Variants in SUPT3H observed in about 807,000 individuals in gnomAD.
The protein encoded by SUPT3H is transcription initiation protein SPT3 homolog.
SUPT3H carries 44 observed loss-of-function variants against 44.3 expected under a neutral mutation model. That is an observed-to-expected ratio of 0.99 (90% CI 0.78 to 1.28). The LOEUF is 1.28. Among genes scored for constraint, SUPT3H ranks in the 50% most tolerant of loss-of-function variants. The pLI is 0.00. For synonymous variants in SUPT3H, 124 were observed against 125.6 expected, an observed-to-expected ratio of 0.99 and a Z score of 0.09; for missense variants, 380 against 387.1, an observed-to-expected ratio of 0.98 and a Z score of 0.15.
chr6:44,933,275 G>A (rs967251877), intron 9 of SUPT3H, among the ~76,000 whole-genome samples: 9 of 149,406 alleles, frequency 6.0e-5, no homozygotes, highest in African/African-American at 1.9e-4. Flanking sequence ...TAATTTTCTA[G>A]GTATCTCAGG....
chr6:45,172,593 A>T (rs77605658), intron 2 of SUPT3H, among the ~76,000 whole-genome samples: 3 of 146,018 alleles, frequency 2.1e-5, no homozygotes, highest in African/African-American at 7.6e-5. Flanking sequence ...AGATAGATAT[A>T]TTTTTTTTTT....
chr6:44,866,451 C>T (rs984547722), intron 10 of SUPT3H, among the ~76,000 whole-genome samples: 1 of 151,370 alleles, frequency 6.6e-6, no homozygotes, highest in African/African-American at 2.4e-5. Context: ...AGATCCATCT[C>T]TTAGGTAATA....
intron 2 of SUPT3H, chr6:45,197,633 G>A: frequency 2.9e-6 from 1 of 348,646 alleles, no homozygotes; most frequent in Non-Finnish European, 5.7e-6. Context: ...TGTGGTATTT[G>A]CAGAAAAAAA....
chr6:44,936,434 C>T (rs533085738), intron 9 of SUPT3H, among the ~76,000 whole-genome samples: 56 of 152,156 alleles, frequency 3.7e-4, no homozygotes, highest in Non-Finnish European at 6.8e-4. Flanking sequence ...TTTAGGATAT[C>T]CATTTCTTGA....
At chr6:45,170,317 T>C (rs1810566052) in intron 2 of SUPT3H, among the ~76,000 whole-genome samples, 1 of 152,222 alleles carries the variant, frequency 6.6e-6, no homozygotes, top group Non-Finnish European at 1.5e-5. Flanking sequence ...TTAAAAACTT[T>C]GAGCAGTACT....
At chr6:45,317,227 CAA>C (rs70996324) in intron 2 of SUPT3H, among the ~76,000 whole-genome samples, 17 of 36,086 alleles carry the variant, frequency 4.7e-4, no homozygotes, top group African/African-American at 6.8e-4. Flanking sequence ...GACTCTGTCT[CAA>C]AAAAAAAAAA....
intron 3 of SUPT3H, among the ~76,000 whole-genome samples, chr6:45,091,039 A>G (rs1281129668): frequency 1.3e-5 from 2 of 151,976 alleles, no homozygotes; most frequent in African/African-American, 2.4e-5. Context: ...ACAATATTTT[A>G]AATATCCTTT....
chr6:44,817,835 G>C (rs779326728), intron 11 of SUPT3H, among the ~76,000 whole-genome samples: 2 of 152,144 alleles, frequency 1.3e-5, no homozygotes, highest in Non-Finnish European at 2.9e-5. Flanking sequence ...AATTTAAAAA[G>C]ACCTTTATAA....
At chr6:45,176,422 C>T (rs1262252248) in intron 2 of SUPT3H, among the ~76,000 whole-genome samples, 26 of 151,960 alleles carry the variant, frequency 1.7e-4, no homozygotes, top group African/African-American at 6.1e-4. Context: ...TCGGAGGGTC[C>T]TACGCCCACG....
chr6:44,821,240 C>T (rs995146255), intron 11 of SUPT3H, among the ~76,000 whole-genome samples: 15 of 152,096 alleles, frequency 9.9e-5, no homozygotes, highest in African/African-American at 4.8e-5. Flanking sequence ...TTCTAAACAC[C>T]GAGTACTCAT....
intron 6 of SUPT3H, among the ~76,000 whole-genome samples, chr6:44,963,544 T>G (rs1244388003): frequency 6.6e-6 from 1 of 152,110 alleles, no homozygotes; most frequent in African/African-American, 2.4e-5. Context: ...GAGTATATTA[T>G]TGGGTTAATT....
chr6:45,208,586 T>C (rs1763570442), intron 2 of SUPT3H, among the ~76,000 whole-genome samples: 2 of 152,048 alleles, frequency 1.3e-5, no homozygotes, highest in African/African-American at 2.4e-5. Flanking sequence ...TAGCCAGGTA[T>C]GGTGGTGTGC....
chr6:44,967,682 G>A (rs1776962335), intron 6 of SUPT3H, among the ~76,000 whole-genome samples: 1 of 152,140 alleles, frequency 6.6e-6, no homozygotes, highest in Admixed American at 6.5e-5. Context: ...ATATCTCTTG[G>A]CAGCTTCTCA....
At chr6:44,904,656 T>C (rs1765681377) in intron 10 of SUPT3H, among the ~76,000 whole-genome samples, 1 of 152,106 alleles carries the variant, frequency 6.6e-6, no homozygotes. Context: ...CTTCACAGAA[T>C]TGGAAAAAAC....
intron 6 of SUPT3H, among the ~76,000 whole-genome samples, chr6:44,963,267 G>A (rs1776309767): frequency 6.6e-6 from 1 of 152,166 alleles, no homozygotes; most frequent in Admixed American, 6.5e-5. Context: ...GGAGGTCCAG[G>A]CAGGTGGATC....
In SUPT3H at chr6:44,829,738, A is replaced by G; in HGVS notation, c.*78T>C. 2.6e-6 allele frequency: 4 copies of G among 1,520,224 alleles called. No homozygotes were observed. The highest frequency in any genetic ancestry group is 3.6e-6 in the Non-Finnish European group (4 of 1,105,508). The allele number at this position is 1,520,224 out of a possible 1,614,324, so 94.2% of individuals were successfully genotyped here. ...TCAGATAAAAGAAAGGTAAATTTGT[A>G]TTTTATTTTGTTCACAAGAAATCAC... On this transcript the variant is annotated 3_prime_UTR_variant, in exon 11 of 11. Coordinates refer to ENST00000371459, the MANE Select transcript of SUPT3H (RefSeq NM_003599.4).
At chr6:45,141,394 T>C (rs1305545940) in intron 2 of SUPT3H, among the ~76,000 whole-genome samples, 4 of 139,296 alleles carry the variant, frequency 2.9e-5, no homozygotes, top group South Asian at 4.6e-4. Context: ...ATTATTAAGC[T>C]ACTCAAGGAG....
chr6:45,286,602 G>T (rs1012650348), intron 2 of SUPT3H, among the ~76,000 whole-genome samples: 1 of 152,182 alleles, frequency 6.6e-6, no homozygotes. Flanking sequence ...ACAGGTGCTG[G>T]AGAGGATGTG....
At position 44,877,093 on chromosome 6, in the gene SUPT3H, C is replaced by G. The variant is rs368661414; in HGVS notation, c.913-47236G>C. Among the ~76,000 whole-genome samples, 18 of 152,144 alleles carry G rather than the reference C, an allele frequency of 1.2e-4. No individual in the cohort carries two copies. The East Asian group carries it at 2.1e-3, about 18-fold the overall frequency. The stretch of plus-strand genomic sequence containing the variant: ...ATCCTATGTCAAATAATGTAGCCTT[C>G]TTTACTCCTTACAATATGCTGAGCA... On this transcript the variant is annotated intron_variant, in intron 10 of 10. Coordinates refer to ENST00000371459, the MANE Select transcript of SUPT3H (RefSeq NM_003599.4).
Sources: allele counts gnomAD v4.1 joint callset (sites outside exome capture counted in the v4.1 genomes callset), GRCh38; gene constraint gnomAD v4.1.1; transcripts MANE v1.5; gene names NCBI Gene and HGNC (gene_info 2026-07-23, HGNC 2026-07-21).